Variants in SSPN observed in about 807,000 individuals in gnomAD.
The protein encoded by SSPN is K-ras oncogene-associated protein.
Under a neutral mutation model 19.1 loss-of-function variants are expected in SSPN, and 15 were observed. The observed-to-expected ratio is 0.78, with a 90% CI of 0.52 to 1.21. The LOEUF (loss-of-function observed/expected upper bound fraction) is 1.21. Among genes scored for constraint, SSPN ranks in the 50% most tolerant of loss-of-function variants. The pLI, the probability that SSPN is intolerant of heterozygous loss-of-function variation, is 0.00. For missense variants in SSPN, 291 were observed against 314.0 expected (o/e 0.93, Z 0.55); for synonymous variants, 147 against 140.3 (o/e 1.05, Z -0.34).
At chr12:26,124,562 TACAAAG>T in intron 1 of SSPN, 1 of 1,614,136 alleles carries the variant, frequency 6.2e-7, no homozygotes, top group Non-Finnish European at 8.5e-7. Flanking sequence ...TTTACACATA[TACAAAG>T]AGGAATAGTC....
At chr12:26,125,818 A>G (rs932335886) in intron 1 of SSPN, 1 of 151,268 alleles carries the variant, frequency 6.6e-6, no homozygotes, top group Non-Finnish European at 1.5e-5. Context: ...AGGGGGTGGC[A>G]CGAGAGGGGG....
At chr12:26,226,892 G>A (rs1945182152) in intron 2 of SSPN, among the ~76,000 whole-genome samples, 1 of 152,076 alleles carries the variant, frequency 6.6e-6, no homozygotes, top group African/African-American at 2.4e-5. Flanking sequence ...CCCTCCTCCC[G>A]AGGTCACCGA....
chr12:26,127,879 T>G lies in SSPN; in HGVS notation c.-31+5727T>G, dbSNP rs941189129. Among the ~76,000 whole-genome samples, 4 of 152,332 alleles carry G rather than the reference T, an allele frequency of 2.6e-5. No individual in the cohort carries two copies. The South Asian group carries it at 8.3e-4, about 32-fold the overall frequency. ...TAGTTTGATGCCTCTGAATATCCCT[T>G]TGCGCAAGAAGGGTGTAACAATAGC... On this transcript the variant is annotated intron_variant, in intron 1 of 2. Transcript: ENST00000538142.
rs1004368035 is a variant in SSPN at position 26,182,776 on chromosome 12, T to A, written c.-30-41517T>A. The stretch of plus-strand genomic sequence containing the variant: ...TTTTAAAAGTACATACTTTTTTTTT[T>A]TTTTTTGAGATGGATCCTCTCAGTC... On this transcript the variant is annotated intron_variant, in intron 1 of 2. Coordinates refer to the SSPN transcript ENST00000538142. Among the ~76,000 whole-genome samples, 4 of 151,314 alleles carry A rather than the reference T, an allele frequency of 2.6e-5. No homozygotes were observed. The East Asian group carries it at 7.7e-4, about 29-fold the overall frequency.
rs943219375 is a variant in SSPN at position 26,208,816 on chromosome 12, G to A, written c.279+12865G>A. ...TTTTAGCACCGTTTAATAAATAATCGGTCCCTTTCATAGTGATCTGTTACA... is the reference window on the plus strand; with the variant it reads ...TTTTAGCACCGTTTAATAAATAATCAGTCCCTTTCATAGTGATCTGTTACA... On this transcript the variant is annotated intron_variant, in intron 1 of 2. Transcript: ENST00000242729. 5.9e-5 allele frequency among the ~76,000 whole-genome samples: 9 copies of A among 151,792 alleles called. No individual in the cohort carries two copies. The East Asian group carries it at 7.7e-4, about 13-fold the overall frequency.
At chr12:26,173,457 G>C (rs533628130) in intron 1 of SSPN, among the ~76,000 whole-genome samples, 34 of 152,114 alleles carry the variant, frequency 2.2e-4, no homozygotes, top group African/African-American at 8.2e-4. Context: ...TTCTTTTTGG[G>C]GATATCCAGG....
chr12:26,130,139 C>T (rs1251999592), intron 1 of SSPN, among the ~76,000 whole-genome samples: 1 of 152,162 alleles, frequency 6.6e-6, no homozygotes, highest in East Asian at 1.9e-4. Flanking sequence ...GTGTTCTCTA[C>T]CATTTCTCTG....
At chr12:26,177,580 C>T (rs1944692375) in intron 1 of SSPN, among the ~76,000 whole-genome samples, 1 of 152,188 alleles carries the variant, frequency 6.6e-6, no homozygotes, top group African/African-American at 2.4e-5. Context: ...TTTGCCTCCT[C>T]TTGTTGTACT....
chr12:26,227,837 G>A (rs912104781), intron 2 of SSPN, among the ~76,000 whole-genome samples: 12 of 152,146 alleles, frequency 7.9e-5, no homozygotes, highest in Admixed American at 2.6e-4. Context: ...GCTAGTGAGG[G>A]GAGAACCTGA....
At chr12:26,152,719 T>A (rs1591851772) in intron 1 of SSPN, among the ~76,000 whole-genome samples, 1 of 152,364 alleles carries the variant, frequency 6.6e-6, no homozygotes, top group East Asian at 1.9e-4. Flanking sequence ...TAGTCCACTC[T>A]CCACACAGGA....
chr12:26,179,550 G>T (rs1054283413), intron 1 of SSPN, among the ~76,000 whole-genome samples: 3 of 151,972 alleles, frequency 2.0e-5, no homozygotes, highest in Non-Finnish European at 4.4e-5. Flanking sequence ...TTTGCTTAGG[G>T]GCCTTGTATT....
intron 1 of SSPN, among the ~76,000 whole-genome samples, chr12:26,223,893 C>A (rs368327071): frequency 6.6e-6 from 1 of 152,190 alleles, no homozygotes; most frequent in Non-Finnish European, 1.5e-5. Flanking sequence ...TCGCCCAACT[C>A]AATGTAATTT....
intron 1 of SSPN, among the ~76,000 whole-genome samples, chr12:26,175,522 A>AT (rs202156301): frequency 5.3e-5 from 8 of 152,010 alleles, no homozygotes; most frequent in South Asian, 2.1e-4. Context: ...AGCTAATTTT[A>AT]TTTTTTTGTG....
chr12:26,176,275 C>T (rs974247352), intron 1 of SSPN, among the ~76,000 whole-genome samples: 1 of 152,204 alleles, frequency 6.6e-6, no homozygotes, highest in Non-Finnish European at 1.5e-5. Flanking sequence ...GCCACGCTAT[C>T]TTTCAACCTT....
chr12:26,181,274 A>G (rs1944717305), intron 1 of SSPN: 2 of 152,170 alleles, frequency 1.3e-5, no homozygotes, highest in African/African-American at 4.8e-5. Context: ...ATACAGTTGG[A>G]AAAACTGTCA....
chr12:26,168,202 G>C, intron 1 of SSPN, among the ~76,000 whole-genome samples: 1 of 126,102 alleles, frequency 7.9e-6, no homozygotes, highest in African/African-American at 3.1e-5. Context: ...AACAGAGTGA[G>C]ACCCTGTCTC....
At chr12:26,201,040 T>TAAATA (rs1565685515) in intron 1 of SSPN, among the ~76,000 whole-genome samples, 3,916 of 61,610 alleles carry the variant, frequency 0.064, 318 homozygotes, top group African/African-American at 0.2. Context: ...TATATATATA[T>TAAATA]ATATATTATA....
intron 2 of SSPN, among the ~76,000 whole-genome samples, chr12:26,230,399 A>G (rs965180053): frequency 1.3e-5 from 2 of 152,200 alleles, no homozygotes; most frequent in African/African-American, 4.8e-5. Context: ...CTTGTTTGGG[A>G]TTCATCTAAA....
intron 1 of SSPN, chr12:26,124,136 C>CTTCTT: frequency 6.2e-7 from 1 of 1,612,864 alleles, no homozygotes; most frequent in Non-Finnish European, 8.5e-7. Context: ...AATTCGGTCT[C>CTTCTT]TTCTTTTCTT....
Sources: allele counts gnomAD v4.1 joint callset (sites outside exome capture counted in the v4.1 genomes callset), GRCh38; gene constraint gnomAD v4.1.1; transcripts MANE v1.5; gene names NCBI Gene and HGNC (gene_info 2026-07-23, HGNC 2026-07-21).